Variants in MBD6 observed in about 807,000 individuals in gnomAD.
The protein encoded by MBD6 is methyl-CpG binding domain protein 6.
In MBD6, 22 loss-of-function variants were observed where a neutral mutation model predicts 66.8. That is an observed-to-expected ratio of 0.33 (90% CI 0.24 to 0.47). The LOEUF is 0.47. Among genes scored for constraint, MBD6 ranks in the 20% least tolerant of loss-of-function variants. The pLI, the probability that MBD6 is intolerant of heterozygous loss-of-function variation, is 1.00. For missense variants in MBD6, 1,322 were observed against 1,286.9 expected, an observed-to-expected ratio of 1.03 and a Z score of -0.42; for synonymous variants, 540 against 534.6, an observed-to-expected ratio of 1.01 and a Z score of -0.14.
At position 57,527,828 on chromosome 12, in the gene MBD6, T is replaced by A; in HGVS notation, c.2237-20T>A. 6.2e-7 allele frequency: 1 copy of A among 1,611,712 alleles called. No individual in the cohort carries two copies. Among genetic ancestry groups the A allele is most frequent in the Non-Finnish European group, 8.5e-7 (1 of 1,179,454 alleles). On this transcript the variant is annotated intron_variant, in intron 8 of 12. Transcript: ENST00000355673. ...ATTGGTTTGCCTAGGGAGAGACCCCTGACTATAATTTCTCAACAGGTGACC... is the reference window on the plus strand; with the variant it reads ...ATTGGTTTGCCTAGGGAGAGACCCCAGACTATAATTTCTCAACAGGTGACC...
intron 9 of MBD6, 65 bp downstream of exon 9, chr12:57,528,082 T>C: frequency 1.3e-6 from 2 of 1,532,194 alleles, no homozygotes; most frequent in Middle Eastern, 1.8e-4. Flanking sequence ...TTTAGGGCTT[T>C]CTGAGTTATA....
rs750846569 is a variant in MBD6, at chr12:57,527,573, C to G, written c.2149C>G (p.Pro717Ala). Reference protein sequence around the residue: ...TSSVTTATTDPGASSLGKAPS... With the variant: ...TSSVTTATTDAGASSLGKAPS... Reference sequence around the variant, plus strand: ...CAGTGTCACCACGGCAACTACTGACCCGGGGGCCTCCTCTCTGGGCAAGGC... The same window carrying G: ...CAGTGTCACCACGGCAACTACTGACGCGGGGGCCTCCTCTCTGGGCAAGGC... The change falls in exon 8 of 13, where the codon CCG (proline) becomes GCG (alanine). Residue 717 changes from proline (P) to alanine (A), a missense_variant. Transcript: ENST00000355673. 8 of 1,613,940 alleles carry G rather than the reference C, an allele frequency of 5.0e-6. No homozygotes were observed. In the South Asian group the frequency reaches 7.7e-5, roughly 16 times the overall value.
chr12:57,527,043 C>T lies in MBD6; in HGVS notation c.1898C>T (p.Pro633Leu), dbSNP rs770573501. ...TTCCTGCCCCTGTTGGCTCTGGGCC[C>T]CACAGCTGGGGATGGGGAGGGATCT... ...ASFLPLLALG[P>L]TAGDGEGSAE... Residue 633 changes from proline (P) to leucine (L), a missense_variant, in exon 7 of 13, where the codon CCC becomes CTC. By Grantham distance (98) the Pro-to-Leu change is moderately conservative. Coordinates refer to ENST00000355673, the MANE Select transcript of MBD6 (RefSeq NM_052897.4). 7.5e-6 allele frequency: 12 copies of T among 1,610,638 alleles called. No homozygotes were observed. Among genetic ancestry groups the T allele is most frequent in the Middle Eastern group, 1.7e-4 (1 of 6,060 alleles).
Position 57,528,105 on chromosome 12 carries a change from C to T in MBD6, c.2407-42C>T, listed in dbSNP as rs370243587. On this transcript the variant is annotated intron_variant, in intron 9 of 12. Coordinates refer to ENST00000355673, the MANE Select transcript of MBD6 (RefSeq NM_052897.4). Reference sequence around the variant, plus strand: ...TTTCTGAGTTATAGTAGAAGAGGGACGGTATTTGAGATTGACTGAGAACTT... The same window carrying T: ...TTTCTGAGTTATAGTAGAAGAGGGATGGTATTTGAGATTGACTGAGAACTT... 1.7e-4 allele frequency: 260 copies of T among 1,549,090 alleles called. 2 individuals carry two copies. The Middle Eastern group carries it at 2.6e-3, about 16-fold the overall frequency.
In MBD6 at chr12:57,529,485, A is replaced by C; in HGVS notation, c.*251A>C. On this transcript the variant is annotated 3_prime_UTR_variant, in exon 13 of 13. Coordinates refer to ENST00000355673, the MANE Select transcript of MBD6 (RefSeq NM_052897.4). ...TGAAAAGGCCTGGGGGGGATGGTAT[A>C]TGGCCCTTTCCCCACCAGGCGCTAA... 3 of 412,750 alleles carry C rather than the reference A, an allele frequency of 7.3e-6. No homozygotes were observed. Among genetic ancestry groups the C allele is most frequent in the East Asian group, 7.8e-5 (2 of 25,512 alleles). The allele number at this position is 412,750 out of a possible 1,614,324, so 25.6% of individuals were successfully genotyped here.
In MBD6 at chr12:57,528,671, C is replaced by T; in HGVS notation, c.2826C>T (p.Pro942=). 1 of 1,614,012 alleles carries T rather than the reference C, an allele frequency of 6.2e-7. No individual in the cohort carries two copies. The highest frequency in any genetic ancestry group is 1.1e-5 in the South Asian group (1 of 91,076). The change falls in exon 11 of 13, where the codon CCC becomes CCT. Residue 942 remains proline (P), a synonymous_variant. Coordinates refer to ENST00000355673, the MANE Select transcript of MBD6 (RefSeq NM_052897.4). ...PGPHSEDLKV[P]PGVVRKSRRG... ...CATAGTCCATCTTTTCTCAGGTGCCCCCGGGAGTAGTCAGAAAGTCTCGTC... is the reference window on the plus strand; with the variant it reads ...CATAGTCCATCTTTTCTCAGGTGCCTCCGGGAGTAGTCAGAAAGTCTCGTC...
rs778424986 is a variant in MBD6, at chr12:57,528,192, C to T, written c.2452C>T (p.Pro818Ser). 3.5e-5 allele frequency: 57 copies of T among 1,611,464 alleles called. 3 individuals are homozygous for T. In the South Asian group the frequency reaches 5.9e-4, roughly 17 times the overall value. ...AGCCCCCTGTCTACCCCCCGAGAGC[C>T]CTGCCTCAGCCCTCGAACCAGAGCC... ...PEAPCLPPES[P>S]ASALEPEPAR... is the part of the protein sequence containing the mutation. Residue 818 changes from proline (P) to serine (S), a missense_variant, in exon 10 of 13, where the codon CCT (proline) becomes TCT (serine). Pro to Ser is a moderately conservative substitution (Grantham distance 74). Transcript: ENST00000355673.
chr12:57,521,435 C>A (rs774346617), upstream of MBD6, among the ~76,000 whole-genome samples: 2 of 152,074 alleles, frequency 1.3e-5, no homozygotes, highest in African/African-American at 2.4e-5. Context: ...GCACTCCAGC[C>A]TGGGTGACAG....
chr12:57,527,574 C>T lies in MBD6; in HGVS notation c.2150C>T (p.Pro717Leu), dbSNP rs528083484. The T allele has an allele frequency of 5.2e-5, 84 of 1,613,932 alleles. No homozygotes were observed. Among genetic ancestry groups the T allele is most frequent in the Non-Finnish European group, 5.8e-5 (69 of 1,180,010 alleles). Reference protein sequence around the residue: ...TSSVTTATTDPGASSLGKAPS... With the variant: ...TSSVTTATTDLGASSLGKAPS... ...AGTGTCACCACGGCAACTACTGACC[C>T]GGGGGCCTCCTCTCTGGGCAAGGCC... is the stretch of plus-strand genomic sequence containing the variant. Residue 717 changes from proline (P) to leucine (L), a missense_variant, in exon 8 of 13, where the codon CCG becomes CTG. Pro to Leu is a moderately conservative substitution (Grantham distance 98, BLOSUM62 -3). Transcript: ENST00000355673.
In MBD6 at chr12:57,527,507, C is replaced by T. The variant is rs899315006; in HGVS notation, c.2083C>T (p.Pro695Ser). Residue 695 changes from proline to serine, a missense_variant and splice_region_variant, in exon 8 of 13, where the codon CCC (proline) becomes TCC (serine). By Grantham distance (74) the Pro-to-Ser change is moderately conservative. Transcript: ENST00000355673. ...TGTTAGAATCATTCTTTTTTCTTAG[C>T]CCTGTGTCCTGAGTGCCCCCCAACC... ...LDPPSGTPPQ[P>S]CVLSAPQPGP... 1 of 1,613,978 alleles carries T rather than the reference C, an allele frequency of 6.2e-7. No individual in the cohort carries two copies. The highest frequency in any genetic ancestry group is 1.1e-5 in the South Asian group (1 of 91,078).
At position 57,529,508 on chromosome 12, in the gene MBD6, T is replaced by TA. The variant is rs1290867995; in HGVS notation, c.*276dup. 2.8e-6 allele frequency: 1 copy of TA among 357,992 alleles called. No individual in the cohort carries two copies. Among genetic ancestry groups the TA allele is most frequent in the East Asian group, 4.4e-5 (1 of 22,560 alleles). 22.2% of individuals were successfully genotyped at this position (357,992 alleles called of 1,614,324 possible). A position where few individuals can be genotyped will look rare whatever the true frequency, so the allele number is the denominator to read the frequency against. Reference sequence around the variant, plus strand: ...ATATGGCCCTTTCCCCACCAGGCGCTAAGGGGAACACCCCCTTCCCCAGGT... The same window carrying TA: ...ATATGGCCCTTTCCCCACCAGGCGCTAAAGGGGAACACCCCCTTCCCCAGGT... On this transcript the variant is annotated 3_prime_UTR_variant, in exon 13 of 13. Transcript: ENST00000355673.
downstream of MBD6, chr12:57,530,846 TTC>T (rs1347773420): frequency 7.8e-7 from 1 of 1,290,190 alleles, no homozygotes; most frequent in Non-Finnish European, 1.1e-6. Context: ...CCTGAAGGAA[TTC>T]TCTGAGAGAG....
rs759216480 is a variant in MBD6, at chr12:57,529,022, T to G, written c.2937+13T>G. ...CCCTACAGCCCGAGTAAGTGTGTGT[T>G]TGGGTGGATGGGTGGATGGGTAGGG... On this transcript the variant is annotated intron_variant, in intron 12 of 12. Transcript: ENST00000355673. The G allele has an allele frequency of 2.5e-5, 41 of 1,613,684 alleles. No homozygotes were observed. The highest frequency in any genetic ancestry group is 1.9e-4 in the African/African-American group (14 of 74,774).
Position 57,528,505 on chromosome 12 carries a change from G to C in MBD6, c.2765G>C (p.Gly922Ala), listed in dbSNP as rs773659071. 8.1e-6 allele frequency: 13 copies of C among 1,613,844 alleles called. No individual in the cohort carries two copies. In the East Asian group the frequency reaches 1.3e-4, roughly 17 times the overall value. ...HWQHNGELAE[G>A]GAEPKDPPPP... ...CAGCATAATGGGGAGCTGGCTGAAG[G>C]GGGTGCTGAGCCCAAGGATCCACCC... Residue 922 changes from glycine to alanine, a missense_variant, in exon 10 of 13, where the codon GGG becomes GCG. Gly to Ala is a moderately conservative substitution (Grantham distance 60). Coordinates refer to ENST00000355673, the MANE Select transcript of MBD6 (RefSeq NM_052897.4).
At chr12:57,526,473 G>C in intron 6 of MBD6, 85 bp downstream of exon 6, 1 of 1,516,560 alleles carries the variant, frequency 6.6e-7, no homozygotes, top group Non-Finnish European at 8.8e-7. Context: ...AGAGCTCTTT[G>C]AGGGTTTTCT....
At chr12:57,530,743 T>G (rs1263415936), downstream of MBD6, 4 of 1,613,990 alleles carry the variant, frequency 2.5e-6, no homozygotes, top group Non-Finnish European at 3.4e-6. Context: ...TCCCCTCAAC[T>G]GTGGCCAGGT....
Position 57,529,471 on chromosome 12 carries a change from G to C in MBD6, c.*237G>C, listed in dbSNP as rs1229005266. 2.8e-5 allele frequency: 14 copies of C among 508,970 alleles called. No homozygotes were observed. The highest frequency in any genetic ancestry group is 2.4e-5 in the Non-Finnish European group (7 of 292,896). 31.5% of individuals were successfully genotyped at this position (508,970 alleles called of 1,614,324 possible). ...CGAAGCCATGTCACTGAAAAGGCCT[G>C]GGGGGGATGGTATATGGCCCTTTCC... On this transcript the variant is annotated 3_prime_UTR_variant, in exon 13 of 13. Coordinates refer to ENST00000355673, the MANE Select transcript of MBD6 (RefSeq NM_052897.4).
Position 57,524,605 on chromosome 12 carries a change from C to T in MBD6, c.114-115C>T, listed in dbSNP as rs775817876. 5 of 1,136,090 alleles carry T rather than the reference C, an allele frequency of 4.4e-6. No individual in the cohort carries two copies. In the South Asian group the frequency reaches 6.4e-5, roughly 15 times the overall value. 70.4% of individuals were successfully genotyped at this position (1,136,090 alleles called of 1,614,324 possible). A position where few individuals can be genotyped will look rare whatever the true frequency, so the allele number is the denominator to read the frequency against. ...TTCTCCCTTTTTCTGTGTCTTCCCACATTCCTTATCCTCTGTTCTTCTAGG... is the reference window on the plus strand; with the variant it reads ...TTCTCCCTTTTTCTGTGTCTTCCCATATTCCTTATCCTCTGTTCTTCTAGG... On this transcript the variant is annotated intron_variant, in intron 3 of 12. Coordinates refer to ENST00000355673, the MANE Select transcript of MBD6 (RefSeq NM_052897.4).
Position 57,528,868 on chromosome 12 carries a change from GAAAGT to G in MBD6, c.2874-77_2874-73del. On this transcript the variant is annotated intron_variant, in intron 11 of 12. Coordinates refer to ENST00000355673, the MANE Select transcript of MBD6 (RefSeq NM_052897.4). ...ATTATGCCTTTACTATCCAAATGTA[GAAAGT>G]TTCCCACCCAAACTTCTGAAATTCA... 1.9e-6 allele frequency: 3 copies of G among 1,609,728 alleles called. No homozygotes were observed. In the South Asian group the frequency reaches 3.3e-5, roughly 18 times the overall value.
Sources: allele counts gnomAD v4.1 joint callset (sites outside exome capture counted in the v4.1 genomes callset), GRCh38; gene constraint gnomAD v4.1.1; transcripts MANE v1.5; gene names NCBI Gene and HGNC (gene_info 2026-07-23, HGNC 2026-07-21).